LRRCC1: variants seen among roughly 807,000 people sequenced by gnomAD.
LRRCC1 encodes the protein leucine-rich repeat and coiled-coil domain-containing protein 1.
A neutral mutation model predicts 126.0 loss-of-function variants in LRRCC1; 115 were observed. The observed-to-expected ratio is 0.91, with a 90% CI of 0.78 to 1.07. LRRCC1 has a LOEUF of 1.07. Among genes scored for constraint, LRRCC1 ranks in the 50% least tolerant of loss-of-function variants. LRRCC1 has a pLI of 0.00. For missense variants in LRRCC1, 1,172 were observed against 1,175.7 expected (o/e 1.00, Z 0.05); for synonymous variants, 400 against 393.4 (o/e 1.02, Z -0.20).
chr8:85,109,716 C>A lies in LRRCC1; in HGVS notation c.226C>A (p.Gln76Lys). Residue 76 changes from glutamine to lysine, a missense_variant, in exon 2 of 19, where the codon CAA becomes AAA. Gln to Lys is a moderately conservative substitution (Grantham distance 53, BLOSUM62 1). Transcript: ENST00000360375. ...NLQHLDLSSN[Q>K]ISRIEGLNTL... Reference sequence around the variant, plus strand: ...ACAACATCTAGATCTGTCATCTAATCAAATAAGTAGAATTGAAGGACTAAA... The same window carrying A: ...ACAACATCTAGATCTGTCATCTAATAAAATAAGTAGAATTGAAGGACTAAA... 6.2e-7 allele frequency: 1 copy of A among 1,602,016 alleles called. No individual in the cohort carries two copies.
At chr8:85,111,828 G>A (rs1808742728) in intron 3 of LRRCC1, among the ~76,000 whole-genome samples, 1 of 151,368 alleles carries the variant, frequency 6.6e-6, no homozygotes, top group African/African-American at 2.4e-5. Context: ...CGCATACATT[G>A]TTGGTAGTTT....
chr8:85,122,602 GTT>G (rs1809643902), intron 6 of LRRCC1, among the ~76,000 whole-genome samples: 1 of 152,020 alleles, frequency 6.6e-6, no homozygotes. Flanking sequence ...GAGTTTTCTT[GTT>G]TTTTCATTTA....
At position 85,124,992 on chromosome 8, in the gene LRRCC1, G is replaced by A. The variant is rs889804084; in HGVS notation, c.1272+53G>A. The A allele has an allele frequency of 4.5e-6, 6 of 1,328,670 alleles. No homozygotes were observed. In the African/African-American group the frequency reaches 9.2e-5, roughly 20 times the overall value. 82.3% of individuals were successfully genotyped at this position (1,328,670 alleles called of 1,614,324 possible). ...GAGTATGAATAATTTTAAATACAGA[G>A]TCCCAGAAAAATTATGCATGCTTTT... On this transcript the variant is annotated intron_variant, in intron 8 of 18. Coordinates refer to ENST00000360375, the MANE Select transcript of LRRCC1 (RefSeq NM_033402.5).
At chr8:85,134,231 G>A (rs555126232) in intron 12 of LRRCC1, among the ~76,000 whole-genome samples, 1 of 152,286 alleles carries the variant, frequency 6.6e-6, no homozygotes, top group South Asian at 2.1e-4. Flanking sequence ...CTAACATGTT[G>A]TATAATTTAT....
intron 14 of LRRCC1, among the ~76,000 whole-genome samples, chr8:85,136,914 T>TC (rs1367544636): frequency 6.6e-6 from 1 of 150,442 alleles, no homozygotes; most frequent in Admixed American, 6.6e-5. Context: ...CAACTCCACC[T>TC]CCCGGGTTCA....
intron 18 of LRRCC1, among the ~76,000 whole-genome samples, chr8:85,145,111 A>G (rs960104671): frequency 6.9e-5 from 5 of 72,972 alleles, no homozygotes; most frequent in Middle Eastern, 6.2e-3. Flanking sequence ...ATATAAATAT[A>G]TGTGTGTATA....
At position 85,138,169 on chromosome 8, in the gene LRRCC1, T is replaced by C; in HGVS notation, c.2628T>C (p.Asn876=). The C allele has an allele frequency of 6.2e-7, 1 of 1,611,320 alleles. No individual in the cohort carries two copies. Among genetic ancestry groups the C allele is most frequent in the Admixed American group, 1.7e-5 (1 of 59,740 alleles). The part of the protein sequence containing the change: ...DEVLEKLERH[N]ERKEKLKQQL... ...TACTTGAGAAGTTGGAAAGGCACAA[T>C]GAAAGAAAAGAAAAACTAAAACAAC... Residue 876 remains asparagine (N), a synonymous_variant, in exon 16 of 19, where the codon AAT becomes AAC. Transcript: ENST00000360375.
At chr8:85,120,088 G>T (rs957165359) in intron 6 of LRRCC1, among the ~76,000 whole-genome samples, 2 of 152,010 alleles carry the variant, frequency 1.3e-5, no homozygotes, top group Non-Finnish European at 2.9e-5. Context: ...TTTGTTCAGA[G>T]AACATATTCT....
In LRRCC1 at chr8:85,135,685, C is replaced by T. The variant is rs2135988361; in HGVS notation, c.2155-104C>T. The T allele has an allele frequency of 1.1e-5, 8 of 719,442 alleles. No homozygotes were observed. The East Asian group carries it at 1.7e-4, about 15-fold the overall frequency. 44.6% of individuals were successfully genotyped at this position (719,442 alleles called of 1,614,324 possible). ...CTGATGTAAAATTTGGTAATATTTACTTGTATTTGCTTAAATAACATTTTT... is the reference window on the plus strand; with the variant it reads ...CTGATGTAAAATTTGGTAATATTTATTTGTATTTGCTTAAATAACATTTTT... On this transcript the variant is annotated intron_variant, in intron 13 of 18. Transcript: ENST00000360375.
chr8:85,139,026 AC>A (rs1288154416), intron 17 of LRRCC1, among the ~76,000 whole-genome samples: 2 of 152,178 alleles, frequency 1.3e-5, no homozygotes, highest in Non-Finnish European at 2.9e-5. Flanking sequence ...AGCCTGGGCA[AC>A]AAGAGCGAAA....
chr8:85,109,550 C>T (rs1212579326), intron 1 of LRRCC1, 45 bp from the exon 2 acceptor site: 3 of 1,156,818 alleles, frequency 2.6e-6, no homozygotes, highest in East Asian at 5.2e-5. Context: ...GTTATTTGGT[C>T]ATGCTTTTAA....
Position 85,141,495 on chromosome 8 carries a change from G to T in LRRCC1, c.2954G>T (p.Cys985Phe). ...CAGCTGGCCAATGAAAAGCAGAAGTGTATTGATTCTGCAAATTTAAAGGTA... is the reference window on the plus strand; with the variant it reads ...CAGCTGGCCAATGAAAAGCAGAAGTTTATTGATTCTGCAAATTTAAAGGTA... Reference protein sequence around the residue: ...IAQLANEKQKCIDSANLKVHQ... With the variant: ...IAQLANEKQKFIDSANLKVHQ... Residue 985 changes from cysteine (C) to phenylalanine (F), a missense_variant, in exon 18 of 19, where the codon TGT (cysteine) becomes TTT (phenylalanine). Physicochemically the swap from Cys to Phe is radical, Grantham distance 205. Transcript: ENST00000360375. 6.2e-7 allele frequency: 1 copy of T among 1,610,070 alleles called. No homozygotes were observed. Among genetic ancestry groups the T allele is most frequent in the Non-Finnish European group, 8.5e-7 (1 of 1,177,626 alleles).
intron 4 of LRRCC1, among the ~76,000 whole-genome samples, chr8:85,113,566 A>C (rs2135923844): frequency 6.6e-6 from 1 of 152,034 alleles, no homozygotes; most frequent in African/African-American, 2.4e-5. Context: ...GTATGCACGC[A>C]TGTGTGTGTG....
At chr8:85,114,115 C>T (rs1307265914) in intron 4 of LRRCC1, among the ~76,000 whole-genome samples, 2 of 152,040 alleles carry the variant, frequency 1.3e-5, no homozygotes, top group Non-Finnish European at 2.9e-5. Context: ...TTTCCATAGT[C>T]TCCCTGAAAA....
chr8:85,135,047 C>T lies in LRRCC1; in HGVS notation c.2154+15C>T. ...CAAATTTACAGGTAAGACTTTGCAA[C>T]ATTATATGTTTTAAAATTTTTTTAC... is the stretch of plus-strand genomic sequence containing the variant. On this transcript the variant is annotated intron_variant, in intron 13 of 18. Transcript: ENST00000360375. The T allele has an allele frequency of 1.4e-6, 2 of 1,445,882 alleles. No individual in the cohort carries two copies. Among genetic ancestry groups the T allele is most frequent in the South Asian group, 1.7e-5 (1 of 60,056 alleles). The allele number at this position is 1,445,882 out of a possible 1,614,324, so 89.6% of individuals were successfully genotyped here. A position where few individuals can be genotyped will look rare whatever the true frequency, so the allele number is the denominator to read the frequency against.
At chr8:85,123,326 A>G in intron 6 of LRRCC1, 87 bp from the exon 7 acceptor site, 1 of 905,316 alleles carries the variant, frequency 1.1e-6, no homozygotes, top group South Asian at 1.6e-5. Context: ...TAATCATATA[A>G]AAAGATATAA....
chr8:85,135,138 A>G (rs964419370), intron 13 of LRRCC1, 106 bp downstream of exon 13: 6 of 712,166 alleles, frequency 8.4e-6, no homozygotes, highest in Non-Finnish European at 1.3e-5. Context: ...AAATGATACT[A>G]ATTATATATT....
chr8:85,129,193 T>G lies in LRRCC1; in HGVS notation c.1440T>G (p.Phe480Leu), dbSNP rs909184500. 8 of 1,609,178 alleles carry G rather than the reference T, an allele frequency of 5.0e-6. No individual in the cohort carries two copies. The Admixed American group carries it at 1.3e-4, about 27-fold the overall frequency. ...LTTDRLKEII[F>L]RERNSKGQLE... ...GCTTTAGGCTAAAGGAAATTATTTTTAGAGAGAGAAATTCCAAAGGACAAC... is the reference window on the plus strand; with the variant it reads ...GCTTTAGGCTAAAGGAAATTATTTTGAGAGAGAGAAATTCCAAAGGACAAC... The change falls in exon 10 of 19, where the codon TTT becomes TTG. Residue 480 changes from phenylalanine to leucine, a missense_variant. Coordinates refer to ENST00000360375, the MANE Select transcript of LRRCC1 (RefSeq NM_033402.5).
At chr8:85,134,541 A>G (rs1167020045) in intron 12 of LRRCC1, among the ~76,000 whole-genome samples, 1 of 152,160 alleles carries the variant, frequency 6.6e-6, no homozygotes, top group Non-Finnish European at 1.5e-5. Flanking sequence ...GCTGGTCTCA[A>G]ACTTCTGACC....
Sources: allele counts gnomAD v4.1 joint callset (sites outside exome capture counted in the v4.1 genomes callset), GRCh38; gene constraint gnomAD v4.1.1; transcripts MANE v1.5; gene names NCBI Gene and HGNC (gene_info 2026-07-23, HGNC 2026-07-21).